ADGRL3: variants seen among roughly 807,000 people sequenced by gnomAD.
ADGRL3 encodes calcium-independent alpha-latrotoxin receptor 3.
In ADGRL3, 62 loss-of-function variants were observed where a neutral mutation model predicts 153.5. The observed-to-expected ratio is 0.40, with a 90% CI of 0.33 to 0.50. The LOEUF is 0.50. ADGRL3 is among the 20% of genes least tolerant of loss of function. ADGRL3 has a pLI of 0.47. For synonymous variants in ADGRL3, 710 were observed against 672.5 expected (o/e 1.06, Z -0.86); for missense variants, 1,641 against 1,859.4 (o/e 0.88, Z 2.16).
intron 13 of ADGRL3, among the ~76,000 whole-genome samples, chr4:61,917,219 A>G (rs527443105): frequency 1.3e-5 from 2 of 152,248 alleles, no homozygotes; most frequent in African/African-American, 4.8e-5. Context: ...AATCTCTGAG[A>G]TACTGTTACT....
chr4:62,018,768 G>A (rs555796641), intron 21 of ADGRL3, among the ~76,000 whole-genome samples: 1 of 152,274 alleles, frequency 6.6e-6, no homozygotes, highest in South Asian at 2.1e-4. Context: ...GAGGGAGGCT[G>A]TCTGTGGAAG....
chr4:62,046,684 C>T (rs1443217340), intron 25 of ADGRL3, among the ~76,000 whole-genome samples: 1 of 151,820 alleles, frequency 6.6e-6, no homozygotes, highest in Non-Finnish European at 1.5e-5. Context: ...TTAAAGGGTG[C>T]CCAGGTAGTG....
intron 13 of ADGRL3, among the ~76,000 whole-genome samples, chr4:61,928,463 T>C (rs1404519959): frequency 6.6e-6 from 1 of 152,188 alleles, no homozygotes; most frequent in Admixed American, 6.5e-5. Context: ...TAGATCTGTT[T>C]TGTGCTGGAG....
intron 5 of ADGRL3, among the ~76,000 whole-genome samples, chr4:61,619,180 TA>T (rs2092307498): frequency 6.6e-6 from 1 of 152,122 alleles, no homozygotes; most frequent in Admixed American, 6.6e-5. Flanking sequence ...GAGTATACAG[TA>T]GGACAGAAAC....
chr4:61,530,085 C>T (rs1041223895), intron 4 of ADGRL3, among the ~76,000 whole-genome samples: 1 of 151,944 alleles, frequency 6.6e-6, no homozygotes, highest in African/African-American at 2.4e-5. Flanking sequence ...TCCAGGTGTC[C>T]ATGAGCCAGT....
chr4:61,820,701 A>T (rs2097744385), intron 9 of ADGRL3, among the ~76,000 whole-genome samples: 1 of 152,156 alleles, frequency 6.6e-6, no homozygotes, highest in South Asian at 2.1e-4. Flanking sequence ...CATATTTCCC[A>T]GTTTTACTAA....
chr4:61,579,352 T>G (rs549073668), intron 4 of ADGRL3, among the ~76,000 whole-genome samples: 2 of 152,214 alleles, frequency 1.3e-5, no homozygotes, highest in East Asian at 3.9e-4. Context: ...ACAGCCAGTT[T>G]GGATTTTTTG....
At chr4:61,911,760 TAG>T (rs1218003746) in intron 12 of ADGRL3, among the ~76,000 whole-genome samples, 1 of 151,968 alleles carries the variant, frequency 6.6e-6, no homozygotes, top group South Asian at 2.1e-4. Context: ...TGGGAGAGTA[TAG>T]GCCACACAAA....
At chr4:61,408,069 C>T (rs905359843) in intron 2 of ADGRL3, among the ~76,000 whole-genome samples, 2 of 151,656 alleles carry the variant, frequency 1.3e-5, no homozygotes, top group South Asian at 2.1e-4. Context: ...TGGAGCCACG[C>T]GAGGGAAGAG....
At chr4:61,749,163 C>T (rs1051221345) in intron 8 of ADGRL3, among the ~76,000 whole-genome samples, 1 of 151,998 alleles carries the variant, frequency 6.6e-6, no homozygotes, top group Non-Finnish European at 1.5e-5. Context: ...CAATGAGATA[C>T]CATCTCACAC....
At chr4:61,567,346 A>G (rs570725730) in intron 4 of ADGRL3, among the ~76,000 whole-genome samples, 70 of 152,300 alleles carry the variant, frequency 4.6e-4, no homozygotes, top group African/African-American at 1.5e-3. Context: ...ACCCTCCCCA[A>G]TTTTATATGT....
At chr4:61,215,478 G>T (rs1379827415) in intron 1 of ADGRL3, among the ~76,000 whole-genome samples, 1 of 150,094 alleles carries the variant, frequency 6.7e-6, no homozygotes, top group Non-Finnish European at 1.5e-5. Context: ...ATTGTCAAGA[G>T]TTGAAGTAAC....
At chr4:61,554,499 G>A (rs550741156) in intron 4 of ADGRL3, among the ~76,000 whole-genome samples, 56 of 152,046 alleles carry the variant, frequency 3.7e-4, no homozygotes, top group African/African-American at 1.3e-3. Flanking sequence ...CCCGGCCTAG[G>A]TATTTTATTT....
intron 8 of ADGRL3, among the ~76,000 whole-genome samples, chr4:61,755,462 GGTT>G (rs1311393616): frequency 6.6e-6 from 1 of 152,022 alleles, no homozygotes; most frequent in Non-Finnish European, 1.5e-5. Flanking sequence ...TTTTTGATGG[GGTT>G]GTTTGTTTTT....
intron 5 of ADGRL3, among the ~76,000 whole-genome samples, chr4:61,637,809 A>G (rs185467274): frequency 4.6e-5 from 7 of 152,264 alleles, no homozygotes; most frequent in Non-Finnish European, 1.0e-4. Flanking sequence ...AATACTAAAA[A>G]TAGTAGAGTT....
chr4:61,517,781 ATTATCACAGGAAATTTAAAATTACT>A (rs1477675346), intron 4 of ADGRL3, among the ~76,000 whole-genome samples: 1 of 152,096 alleles, frequency 6.6e-6, no homozygotes, highest in East Asian at 1.9e-4. Flanking sequence ...ATATTTTTGC[ATTATCACAGGAAATTTAAAATTACT>A]TTTAGTGACA....
chr4:61,908,306 AAAG>A (rs2098705591), intron 11 of ADGRL3, among the ~76,000 whole-genome samples: 1 of 152,040 alleles, frequency 6.6e-6, no homozygotes, highest in South Asian at 2.1e-4. Flanking sequence ...AAAAAAAAGA[AAAG>A]AAAAAGGCCG....
chr4:61,662,777 C>A (rs1465257931), intron 5 of ADGRL3, among the ~76,000 whole-genome samples: 1 of 152,204 alleles, frequency 6.6e-6, no homozygotes, highest in Non-Finnish European at 1.5e-5. Flanking sequence ...TCTGGCCATG[C>A]ATGGACCAAT....
rs528597126 is a variant in ADGRL3, at chr4:61,507,461, C to T, written c.56-9854C>T. Among the ~76,000 whole-genome samples, 10 of 152,264 alleles carry T rather than the reference C, an allele frequency of 6.6e-5. No individual in the cohort carries two copies. In the East Asian group the frequency reaches 9.7e-4, roughly 15 times the overall value. On this transcript the variant is annotated intron_variant, in intron 3 of 26. Coordinates refer to ENST00000683033, the MANE Select transcript of ADGRL3 (RefSeq NM_001387552.1). ...CCAATAATAATCACATCCAACATAA[C>T]ATAATCGATCATTTTGACATTTGAG... is the stretch of plus-strand genomic sequence containing the variant.
Sources: gnomAD v4.1 joint callset for allele counts (sites outside exome capture counted in the v4.1 genomes callset) on GRCh38, gnomAD v4.1.1 for gene constraint, MANE v1.5 for transcripts, NCBI Gene and HGNC (gene_info 2026-07-23, HGNC 2026-07-21) for gene names.